LRRC53: variants seen among roughly 807,000 people sequenced by gnomAD.
The protein encoded by LRRC53 is leucine-rich repeat-containing protein 53.
In LRRC53, 25 loss-of-function variants were observed where a neutral mutation model predicts 13.6. That is an observed-to-expected ratio of 1.83 (90% confidence interval 1.34 to 2.56). The LOEUF (loss-of-function observed/expected upper bound fraction) is 2.56. Among genes scored for constraint, LRRC53 ranks in the 30% most tolerant of loss-of-function variants. The pLI is 0.00. For synonymous variants in LRRC53, 204 were observed against 109.8 expected (o/e 1.86, Z -5.37); for missense variants, 527 against 275.8 (o/e 1.91, Z -6.45).
At chr1:74,490,467 C>T (rs9730633) in intron 1 of LRRC53, among the ~76,000 whole-genome samples, 4,773 of 152,218 alleles carry the variant, frequency 0.031, 251 homozygotes, top group African/African-American at 0.11. Context: ...AAAAAGGAAT[C>T]CACCATGATA....
chr1:74,494,342 A>G (rs937274873), intron 1 of LRRC53, among the ~76,000 whole-genome samples: 1 of 152,320 alleles, frequency 6.6e-6, no homozygotes, highest in Admixed American at 6.5e-5. Flanking sequence ...CTGATAAAGG[A>G]GTTGCAGCTG....
the LRRC53 span, among the ~76,000 whole-genome samples, chr1:74,525,857 C>T: frequency 6.6e-6 from 1 of 152,136 alleles, no homozygotes; most frequent in East Asian, 1.9e-4. Flanking sequence ...CACATCACAC[C>T]AGAGTGGGGT....
At chr1:74,485,493 G>C (rs2100276773) in intron 1 of LRRC53, among the ~76,000 whole-genome samples, 1 of 152,248 alleles carries the variant, frequency 6.6e-6, no homozygotes, top group South Asian at 2.1e-4. Context: ...TTTGTGATAA[G>C]CAGGATTCTA....
chr1:74,480,342 T>C lies in LRRC53; in HGVS notation c.715A>G (p.Thr239Ala), dbSNP rs770016912. 12 of 717,628 alleles carry C rather than the reference T, an allele frequency of 1.7e-5. No homozygotes were observed. The highest frequency in any genetic ancestry group is 1.2e-4 in the South Asian group (8 of 67,606). The allele number at this position is 717,628 out of a possible 1,614,324, so 44.5% of individuals were successfully genotyped here. The change falls in exon 3 of 5, where the codon ACG (threonine) becomes GCG (alanine). Residue 239 changes from threonine to alanine, a missense_variant. Thr to Ala is a moderately conservative substitution (Grantham distance 58, BLOSUM62 0). Coordinates refer to ENST00000294635, the MANE Select transcript of LRRC53 (RefSeq NM_001382280.1). ...LRNYIKSSAH[T>A]LRNAKDLNCQ... ...TTTAGGTCCTTGGCATTCCTGAGCGTGTGAGCAGAAGACTTAATGTAGTTT... is the reference window on the plus strand; with the variant it reads ...TTTAGGTCCTTGGCATTCCTGAGCGCGTGAGCAGAAGACTTAATGTAGTTT...
the LRRC53 span, among the ~76,000 whole-genome samples, chr1:74,518,487 C>A: frequency 2.6e-5 from 4 of 152,056 alleles, no homozygotes; most frequent in Non-Finnish European, 1.5e-5. Flanking sequence ...CCTCAAGGAT[C>A]TCTGATTCTC....
chr1:74,513,218 G>A (rs1042765584), upstream of LRRC53, among the ~76,000 whole-genome samples: 7 of 152,272 alleles, frequency 4.6e-5, no homozygotes, highest in South Asian at 6.2e-4. Flanking sequence ...AGGTCCACGT[G>A]TGCTTTCCTA....
Position 74,478,992 on chromosome 1 carries a change from C to G in LRRC53, c.904+1161G>C, listed in dbSNP as rs75853275. The stretch of plus-strand genomic sequence containing the variant: ...GCTGATGGTAGTTCCATTGTCTATA[C>G]CTGATGCTGGTCTCCATCTATTCTG... On this transcript the variant is annotated intron_variant, in intron 3 of 4. Coordinates refer to ENST00000294635, the MANE Select transcript of LRRC53 (RefSeq NM_001382280.1). Among the ~76,000 whole-genome samples, 922 of 152,302 alleles carry G rather than the reference C, an allele frequency of 6.1e-3. 12 individuals carry two copies. The highest frequency in any genetic ancestry group is 0.021 in the African/African-American group (857 of 41,570).
rs1421820580 is a variant in LRRC53, at chr1:74,470,036, G to A, written c.3586C>T (p.Leu1196Phe). Residue 1196 changes from leucine (L) to phenylalanine (F), a missense_variant, in exon 5 of 5, where the codon CTT becomes TTT. By Grantham distance (22) the Leu-to-Phe change is conservative (BLOSUM62 0). Coordinates refer to ENST00000294635, the MANE Select transcript of LRRC53 (RefSeq NM_001382280.1). ...GAMTVETHEA[L>F]SFLPGLKDSF... The stretch of plus-strand genomic sequence containing the variant: ...TCTTTTAACCCTGGTAAGAAGGAAA[G>A]CGCTTCATGTGTCTCCACTGTCATT... 2.5e-6 allele frequency: 1 copy of A among 400,570 alleles called. No homozygotes were observed. The highest frequency in any genetic ancestry group is 2.1e-5 in the African/African-American group (1 of 48,698). 24.8% of individuals were successfully genotyped at this position (400,570 alleles called of 1,614,324 possible). A position where few individuals can be genotyped will look rare whatever the true frequency, so the allele number is the denominator to read the frequency against.
At chr1:74,482,478 C>T (rs764442920) in intron 2 of LRRC53, among the ~76,000 whole-genome samples, 68 of 152,230 alleles carry the variant, frequency 4.5e-4, no homozygotes, top group Non-Finnish European at 9.0e-4. Flanking sequence ...TGATTAGAAA[C>T]GATATACACA....
intron 4 of LRRC53, 98 bp downstream of exon 4, chr1:74,475,197 T>G: frequency 1.7e-6 from 1 of 597,208 alleles, no homozygotes; most frequent in Non-Finnish European, 3.0e-6. Flanking sequence ...CTATAGTGAT[T>G]TTTATAGTAT....
chr1:74,514,915 C>T (rs538484600), upstream of LRRC53, among the ~76,000 whole-genome samples: 18 of 152,128 alleles, frequency 1.2e-4, no homozygotes, highest in Non-Finnish European at 2.6e-4. Context: ...AGGGTGGGCC[C>T]TTAATTCAAG....
At chr1:74,524,669 C>CAGCAAAT in the LRRC53 span, among the ~76,000 whole-genome samples, 117,667 of 151,248 alleles carry the variant, frequency 0.78, 50,013 homozygotes, top group Non-Finnish European at 0.95. Context: ...GGAGATACAG[C>CAGCAAAT]AGCAAATAAA....
In LRRC53 at chr1:74,471,502, T is replaced by G. The variant is rs759059721; in HGVS notation, c.2120A>C (p.Asp707Ala). The part of the protein sequence containing the change: ...VLKRKRTPQS[D>A]LKGKIKGQNL... ...TTGTCCTTTAATTTTCCCTTTGAGG[T>G]CAGACTGAGGGGTTCTCTTCCTTTT... The change falls in exon 5 of 5, where the codon GAC becomes GCC. Residue 707 changes from aspartate to alanine, a missense_variant. Transcript: ENST00000294635. The G allele has an allele frequency of 5.0e-6, 2 of 400,662 alleles. No individual in the cohort carries two copies. The highest frequency in any genetic ancestry group is 8.8e-6 in the Non-Finnish European group (2 of 226,146). The allele number at this position is 400,662 out of a possible 1,614,324, so 24.8% of individuals were successfully genotyped here. A position where few individuals can be genotyped will look rare whatever the true frequency, so the allele number is the denominator to read the frequency against.
At chr1:74,498,639 T>G (rs1669456068) in intron 1 of LRRC53, among the ~76,000 whole-genome samples, 1 of 152,178 alleles carries the variant, frequency 6.6e-6, no homozygotes, top group Admixed American at 6.5e-5. Context: ...GCATTCAGAT[T>G]TTTTTGACTC....
intron 1 of LRRC53, among the ~76,000 whole-genome samples, chr1:74,507,626 TG>T (rs1669974268): frequency 6.6e-6 from 1 of 152,194 alleles, no homozygotes; most frequent in Non-Finnish European, 1.5e-5. Flanking sequence ...TTTGCTTTAA[TG>T]TACTTCTTGT....
the LRRC53 span, among the ~76,000 whole-genome samples, chr1:74,520,856 G>C: frequency 6.6e-6 from 1 of 152,112 alleles, no homozygotes; most frequent in African/African-American, 2.4e-5. Context: ...AGATCTGGAA[G>C]GTACATATGG....
At chr1:74,479,995 A>T (rs1368669478) in intron 3 of LRRC53, among the ~76,000 whole-genome samples, 158 bp downstream of exon 3, 1 of 152,188 alleles carries the variant, frequency 6.6e-6, no homozygotes, top group Non-Finnish European at 1.5e-5. Flanking sequence ...AATTCTTGCA[A>T]CCTGTGCCAA....
intron 2 of LRRC53, 26 bp downstream of exon 2, chr1:74,483,236 C>G: frequency 1.4e-6 from 1 of 716,232 alleles, no homozygotes; most frequent in South Asian, 1.5e-5. Context: ...CTGAGCACTG[C>G]TTTTTAGAGT....
chr1:74,497,420 C>G (rs941467009), intron 1 of LRRC53, among the ~76,000 whole-genome samples: 1 of 152,084 alleles, frequency 6.6e-6, no homozygotes, highest in Non-Finnish European at 1.5e-5. Flanking sequence ...CTCTCCATCC[C>G]TAACTTCTTG....
Sources: allele counts gnomAD v4.1 joint callset (sites outside exome capture counted in the v4.1 genomes callset), GRCh38; gene constraint gnomAD v4.1.1; transcripts MANE v1.5; gene names NCBI Gene and HGNC (gene_info 2026-07-23, HGNC 2026-07-21).